The following REV3L variants were observed in gnomAD, a reference collection of about 807,000 sequenced individuals.
REV3L encodes REV3 like, DNA directed polymerase zeta catalytic subunit.
REV3L carries 69 observed loss-of-function variants against 299.4 expected under a neutral mutation model. That is an observed-to-expected ratio of 0.23 (90% CI 0.19 to 0.28). REV3L has a LOEUF of 0.28. Ranked by LOEUF, REV3L falls within the 10% of genes least tolerant of loss-of-function variation. The pLI is 1.00. For missense variants in REV3L, 3,128 were observed against 3,693.8 expected (o/e 0.85, Z 3.97); for synonymous variants, 1,238 against 1,271.4 (o/e 0.97, Z 0.56).
chr6:111,359,035 T>C (rs1447175499), intron 16 of REV3L, 21 bp from the exon 17 acceptor site: 1 of 1,576,804 alleles, frequency 6.3e-7, no homozygotes, highest in African/African-American at 1.4e-5. Context: ...AAATAAATAC[T>C]ATGTTTTTAA....
intron 1 of REV3L, among the ~76,000 whole-genome samples, chr6:111,444,055 G>A (rs1295361518): frequency 6.6e-6 from 1 of 152,150 alleles, no homozygotes; most frequent in African/African-American, 2.4e-5. Context: ...AAACAACAGA[G>A]AATTAACAAA....
At chr6:111,323,306 G>A (rs1290834414) in intron 25 of REV3L, among the ~76,000 whole-genome samples, 1 of 152,082 alleles carries the variant, frequency 6.6e-6, no homozygotes, top group Non-Finnish European at 1.5e-5. Context: ...TTTCTTATGT[G>A]CCCTTACAAC....
intron 1 of REV3L, among the ~76,000 whole-genome samples, chr6:111,420,831 C>T (rs1266078775): frequency 6.6e-6 from 1 of 152,106 alleles, no homozygotes. Context: ...TTTCACGGAA[C>T]CCAGAATTAT....
Position 111,381,835 on chromosome 6 carries a change from T to C in REV3L, c.1097-391A>G, listed in dbSNP as rs570488083. ...ACAACAAATTTAGAATAAATGTTTT[T>C]GAACTCTCCTAGAAAAAAAAAATTG... On this transcript the variant is annotated intron_variant, in intron 9 of 31. Transcript: ENST00000368802. Among the ~76,000 whole-genome samples the C allele has an allele frequency of 5.3e-5, 8 of 152,314 alleles. No individual in the cohort carries two copies. In the East Asian group the frequency reaches 1.4e-3, roughly 26 times the overall value.
rs564400875 is a variant in REV3L at position 111,374,033 on chromosome 6, G to A, written c.4322C>T (p.Thr1441Ile). 1.2e-6 allele frequency: 2 copies of A among 1,614,110 alleles called. No individual in the cohort carries two copies. The highest frequency in any genetic ancestry group is 2.7e-5 in the African/African-American group (2 of 75,052). ...TGAAGCTGTATTTCCCGGAGAACAA[G>A]TTTCACTGTGCTTTGACTGTTCCGC... is the stretch of plus-strand genomic sequence containing the variant. ...CIAEQSKHSE[T>I]CSPGNTASEE... Residue 1441 changes from threonine to isoleucine, a missense_variant, in exon 13 of 32, where the codon ACT becomes ATT. Around this residue, in one of 9 missense-constraint regions of REV3L, gnomAD observed 2,409 missense variants for 2,611.8 expected, o/e 0.92. Coordinates refer to ENST00000368802, the MANE Select transcript of REV3L (RefSeq NM_001372078.1).
intron 1 of REV3L, among the ~76,000 whole-genome samples, chr6:111,458,418 G>A (rs1334861721): frequency 3.3e-5 from 5 of 152,220 alleles, no homozygotes; most frequent in Admixed American, 2.6e-4. Flanking sequence ...ACATAGTAAT[G>A]GAAGTCCTAG....
At chr6:111,388,839 A>C (rs1435204897) in intron 7 of REV3L, among the ~76,000 whole-genome samples, 2 of 152,346 alleles carry the variant, frequency 1.3e-5, no homozygotes, top group Non-Finnish European at 2.9e-5. Flanking sequence ...GAGAATGAAA[A>C]CAAAAAAGTG....
intron 1 of REV3L, among the ~76,000 whole-genome samples, chr6:111,467,738 A>C (rs1198645020): frequency 6.6e-6 from 1 of 152,198 alleles, no homozygotes; most frequent in Non-Finnish European, 1.5e-5. Flanking sequence ...ATTTTATGCA[A>C]ATACTACACC....
At chr6:111,392,308 G>C (rs1364972331) in intron 5 of REV3L, among the ~76,000 whole-genome samples, 1 of 152,010 alleles carries the variant, frequency 6.6e-6, no homozygotes, top group South Asian at 2.1e-4. Flanking sequence ...ATTAGCACCA[G>C]TAGACAGAAA....
At chr6:111,350,964 A>G (rs1188758541) in intron 19 of REV3L, among the ~76,000 whole-genome samples, 2 of 152,122 alleles carry the variant, frequency 1.3e-5, no homozygotes, top group Non-Finnish European at 2.9e-5. Context: ...CCTAAAGTAT[A>G]CACTACTTTG....
At chr6:111,464,672 C>T (rs1185786875) in intron 1 of REV3L, among the ~76,000 whole-genome samples, 1 of 152,078 alleles carries the variant, frequency 6.6e-6, no homozygotes, top group Non-Finnish European at 1.5e-5. Context: ...GGTACATACA[C>T]TTTTAAAAAT....
intron 4 of REV3L, among the ~76,000 whole-genome samples, chr6:111,401,641 T>C (rs1435904519): frequency 1.3e-5 from 2 of 152,210 alleles, no homozygotes; most frequent in African/African-American, 4.8e-5. Context: ...GTATTTAAAA[T>C]AAAAATGTAA....
chr6:111,462,802 G>GT (rs1224574136), intron 1 of REV3L, among the ~76,000 whole-genome samples: 1 of 152,020 alleles, frequency 6.6e-6, no homozygotes, highest in Non-Finnish European at 1.5e-5. Context: ...CGAATAAATA[G>GT]TAAATATAGA....
intron 19 of REV3L, among the ~76,000 whole-genome samples, chr6:111,351,149 AT>A (rs1777529248): frequency 6.6e-6 from 1 of 152,142 alleles, no homozygotes; most frequent in Admixed American, 6.6e-5. Context: ...AATTTCTGCA[AT>A]ATTTGTAGCC....
In REV3L at chr6:111,373,045, A is replaced by G. The variant is rs778977194; in HGVS notation, c.5310T>C (p.Cys1770=). The stretch of plus-strand genomic sequence containing the variant: ...TATTCAATCTAGATTTTTCACTTAG[A>G]CAGTCTTCTGCCTGCTGAACACAGA... ...DSFCVQQAED[C]LSEKSRLNRS... is the part of the protein sequence containing the mutation. Residue 1770 remains cysteine (C), a synonymous_variant, in exon 13 of 32, where the codon TGT becomes TGC. Coordinates refer to ENST00000368802, the MANE Select transcript of REV3L (RefSeq NM_001372078.1). The G allele has an allele frequency of 3.7e-6, 6 of 1,614,128 alleles. No homozygotes were observed. Among genetic ancestry groups the G allele is most frequent in the Non-Finnish European group, 5.1e-6 (6 of 1,180,000 alleles).
intron 22 of REV3L, 25 bp from the exon 23 acceptor site, chr6:111,333,392 AGAG>A (rs780998331): frequency 2.5e-6 from 4 of 1,610,944 alleles, no homozygotes. Context: ...GGAGGTGAGA[AGAG>A]AAGAAACACA....
rs3218587 is a variant in REV3L, at chr6:111,367,724, G to A, written c.6064C>T (p.Leu2022=). 59,554 of 1,614,182 alleles carry A rather than the reference G, an allele frequency of 0.037. 1,175 individuals are homozygous for A. The highest frequency in any genetic ancestry group is 0.043 in the Non-Finnish European group (50,314 of 1,180,014). Residue 2022 remains leucine (L), a synonymous_variant, in exon 14 of 32, where the codon CTG becomes TTG. Coordinates refer to ENST00000368802, the MANE Select transcript of REV3L (RefSeq NM_001372078.1). ...AKEEYERSKK[L]PKTKPTGVVK... ...ACTCCAGTTGGCTTGGTTTTAGGCAGTTTCTTGGAACGTTCGTATTCTTCT... is the reference window on the plus strand; with the variant it reads ...ACTCCAGTTGGCTTGGTTTTAGGCAATTTCTTGGAACGTTCGTATTCTTCT...
rs1252236734 is a variant in REV3L at position 111,367,355 on chromosome 6, G to T, written c.6433C>A (p.Pro2145Thr). Reference protein sequence around the residue: ...DSKALNGDDRPSSPVEELPSL... With the variant: ...DSKALNGDDRTSSPVEELPSL... ...GGCAGCTCCTCTACTGGTGATGAGG[G>T]TCTATCATCTCCATTTAATGCTTTG... is the stretch of plus-strand genomic sequence containing the variant. Residue 2145 changes from proline to threonine, a missense_variant, in exon 14 of 32, where the codon CCC becomes ACC. By Grantham distance (38) the Pro-to-Thr change is conservative. This residue lies in a region of REV3L where 2,409 missense variants were observed against 2,611.8 expected (regional missense o/e 0.92). Transcript: ENST00000368802. The T allele has an allele frequency of 3.1e-6, 5 of 1,607,376 alleles. No homozygotes were observed. Among genetic ancestry groups the T allele is most frequent in the Middle Eastern group, 1.7e-4 (1 of 6,012 alleles).
chr6:111,355,794 G>C (rs1049029292), intron 18 of REV3L, among the ~76,000 whole-genome samples: 2 of 152,168 alleles, frequency 1.3e-5, no homozygotes, highest in Non-Finnish European at 2.9e-5. Flanking sequence ...AATAAAAGAA[G>C]TGTGGATACT....
Sources: gnomAD v4.1 joint callset for allele counts (sites outside exome capture counted in the v4.1 genomes callset) on GRCh38, gnomAD v4.1.1 for gene constraint, gnomAD v4.1.1 regional missense constraint, MANE v1.5 for transcripts, NCBI Gene and HGNC (gene_info 2026-07-23, HGNC 2026-07-21) for gene names.